Variants in FOXN3 observed in about 807,000 individuals in gnomAD.
FOXN3 encodes the protein forkhead box protein N3.
FOXN3 carries 7 observed loss-of-function variants against 38.4 expected under a neutral mutation model. The ratio of observed to expected loss-of-function variants is 0.18; its 90% CI spans 0.10 to 0.34. The LOEUF (loss-of-function observed/expected upper bound fraction) is 0.34, where lower values mean the gene tolerates loss of function less well. Among genes scored for constraint, FOXN3 ranks in the 10% least tolerant of loss-of-function variants. The probability of loss-of-function intolerance (pLI) is 1.00; values close to 1 mark genes in which losing one functional copy is unlikely to be tolerated. For missense variants in FOXN3, 456 were observed against 613.4 expected (o/e 0.74, Z 2.71); for synonymous variants, 230 against 242.2 (o/e 0.95, Z 0.47).
chr14:89,381,824 T>C lies in FOXN3; in HGVS notation c.543+30110A>G, dbSNP rs186420647. 1.8e-3 allele frequency among the ~76,000 whole-genome samples: 260 copies of C among 145,294 alleles called. 2 individuals carry two copies. Among genetic ancestry groups the C allele is most frequent in the Middle Eastern group, 6.9e-3 (2 of 290 alleles). On this transcript the variant is annotated intron_variant, in intron 2 of 5. Coordinates refer to ENST00000557258, the MANE Select transcript of FOXN3 (RefSeq NM_005197.4). Reference sequence around the variant, plus strand: ...GCACTGAGCTGTGATCATGCCACTATACTCCAGCCTGGGCAACAGAGAAGG... The same window carrying C: ...GCACTGAGCTGTGATCATGCCACTACACTCCAGCCTGGGCAACAGAGAAGG...
intron 5 of FOXN3, among the ~76,000 whole-genome samples, chr14:89,167,121 C>G (rs538231287): frequency 6.6e-6 from 1 of 152,300 alleles, no homozygotes; most frequent in African/African-American, 2.4e-5. Context: ...GCATGTGGCT[C>G]AACAAAACCA....
chr14:89,374,223 C>T (rs1890402670), intron 2 of FOXN3, among the ~76,000 whole-genome samples: 2 of 120,846 alleles, frequency 1.7e-5, no homozygotes. Flanking sequence ...ATGACTGTGC[C>T]ACTGCACTCC....
chr14:89,483,677 G>A (rs1893389298), intron 1 of FOXN3, among the ~76,000 whole-genome samples: 1 of 152,124 alleles, frequency 6.6e-6, no homozygotes, highest in African/African-American at 2.4e-5. Context: ...CAAAGTGCTG[G>A]GATTACAGGC....
intron 3 of FOXN3, among the ~76,000 whole-genome samples, chr14:89,292,267 G>A (rs759364): frequency 0.24 from 36,778 of 151,822 alleles, 4,500 homozygotes; most frequent in Admixed American, 0.32. Flanking sequence ...TCTTATCTTA[G>A]CCATCGCCAC....
intron 1 of FOXN3, among the ~76,000 whole-genome samples, chr14:89,573,486 A>G (rs1218669313): frequency 1.3e-5 from 2 of 152,202 alleles, no homozygotes; most frequent in African/African-American, 4.8e-5. Flanking sequence ...TACATACTAT[A>G]TTACAAATAT....
intron 4 of FOXN3, among the ~76,000 whole-genome samples, chr14:89,265,343 C>T (rs1885938460): frequency 6.6e-6 from 1 of 152,186 alleles, no homozygotes; most frequent in Non-Finnish European, 1.5e-5. Flanking sequence ...TAGGCTTGGA[C>T]AGGCTCTCCT....
intron 1 of FOXN3, among the ~76,000 whole-genome samples, chr14:89,537,700 G>A (rs1173896334): frequency 1.3e-5 from 2 of 152,176 alleles, no homozygotes; most frequent in Non-Finnish European, 1.5e-5. Context: ...GAAAAGACTG[G>A]TGAATCAATC....
intron 1 of FOXN3, among the ~76,000 whole-genome samples, chr14:89,530,597 T>C (rs928865191): frequency 2.0e-5 from 3 of 152,018 alleles, no homozygotes; most frequent in Non-Finnish European, 4.4e-5. Context: ...CATATGTATA[T>C]ATATTTTATT....
chr14:89,162,447 C>T lies in FOXN3; in HGVS notation c.1374G>A (p.Gly458=). Reference sequence around the variant, plus strand: ...TTGTGGTTTCCTTTTGCTCTTTCTGCCCCTTTGCCGTCCGATTGGTGATGT... The same window carrying T: ...TTGTGGTTTCCTTTTGCTCTTTCTGTCCCTTTGCCGTCCGATTGGTGATGT... ...LNNITNRTAK[G]QKEQKETTKN is the part of the protein sequence containing the mutation. Residue 458 remains glycine (G), a synonymous_variant, in exon 6 of 6, where the codon GGG becomes GGA. Coordinates refer to ENST00000557258, the MANE Select transcript of FOXN3 (RefSeq NM_005197.4). This position sits in a 1 kb window ranked among gnomAD's most constrained non-coding sequence, Gnocchi z 7.2. 6.3e-7 allele frequency: 1 copy of T among 1,586,334 alleles called. No individual in the cohort carries two copies. Among genetic ancestry groups the T allele is most frequent in the Non-Finnish European group, 8.6e-7 (1 of 1,167,060 alleles).
intron 2 of FOXN3, among the ~76,000 whole-genome samples, chr14:89,358,044 C>A (rs981088146): frequency 6.6e-6 from 1 of 151,792 alleles, no homozygotes; most frequent in Non-Finnish European, 1.5e-5. Context: ...TCTTAAACAA[C>A]TTCTCTTTCT....
chr14:89,545,618 A>C (rs1894868178), intron 1 of FOXN3, among the ~76,000 whole-genome samples: 1 of 152,244 alleles, frequency 6.6e-6, no homozygotes, highest in South Asian at 2.1e-4. Flanking sequence ...CTCTGAAACC[A>C]TTATGATGAT....
intron 4 of FOXN3, among the ~76,000 whole-genome samples, chr14:89,244,647 T>C (rs1310161495): frequency 1.3e-5 from 2 of 152,220 alleles, no homozygotes; most frequent in South Asian, 2.1e-4. Context: ...CCTTGTCTTA[T>C]AGCTACAAGA....
chr14:89,253,465 C>A (rs928102332), intron 4 of FOXN3, among the ~76,000 whole-genome samples: 1 of 152,110 alleles, frequency 6.6e-6, no homozygotes, highest in South Asian at 2.1e-4. Context: ...GGAGATCAAA[C>A]GGCTCTTTCC....
rs1325550881 is a variant in FOXN3 at position 89,466,260 on chromosome 14, G to A, written c.-14-53770C>T. 6.6e-5 allele frequency among the ~76,000 whole-genome samples: 10 copies of A among 152,130 alleles called. No individual in the cohort carries two copies. The South Asian group carries it at 1.5e-3, about 22-fold the overall frequency. On this transcript the variant is annotated intron_variant, in intron 1 of 6. Coordinates refer to the FOXN3 transcript ENST00000345097. ...TCGTCTAAGGCATTCAAGTTGATCC[G>A]CTTAAGGCAAACTGAGATGTGAGTA...
At chr14:89,189,035 A>T (rs1333086283) in intron 4 of FOXN3, among the ~76,000 whole-genome samples, 1 of 152,128 alleles carries the variant, frequency 6.6e-6, no homozygotes, top group Non-Finnish European at 1.5e-5. Context: ...GAAAGAGAGA[A>T]TCAGAACTCT....
At chr14:89,281,852 G>C (rs962898961) in intron 3 of FOXN3, among the ~76,000 whole-genome samples, 1 of 152,186 alleles carries the variant, frequency 6.6e-6, no homozygotes, top group African/African-American at 2.4e-5. Context: ...CCAAGAGGCA[G>C]TATAAATTAC....
intron 2 of FOXN3, among the ~76,000 whole-genome samples, chr14:89,396,824 C>T (rs1891111242): frequency 7.8e-6 from 1 of 127,642 alleles, no homozygotes; most frequent in African/African-American, 3.0e-5. Context: ...AGGAGTGAAA[C>T]TCCATCTCAA....
At chr14:89,597,780 G>A (rs1333235274) in intron 1 of FOXN3, among the ~76,000 whole-genome samples, 1 of 152,062 alleles carries the variant, frequency 6.6e-6, no homozygotes, top group African/African-American at 2.4e-5. Context: ...GGTATATCTT[G>A]CTACATTCTT....
chr14:89,160,679 G>A lies in FOXN3; in HGVS notation c.*1735C>T, dbSNP rs948733000. 2.0e-5 allele frequency: 3 copies of A among 152,616 alleles called. No individual in the cohort carries two copies. Among genetic ancestry groups the A allele is most frequent in the Admixed American group, 1.3e-4 (2 of 15,274 alleles). 9.5% of individuals were successfully genotyped at this position (152,616 alleles called of 1,614,324 possible). ...CATGTTAAACATGTACAGACAGAGA[G>A]AAAGGACACACTTTTCAACAGAGAA... On this transcript the variant is annotated 3_prime_UTR_variant, in exon 6 of 6. Coordinates refer to ENST00000557258, the MANE Select transcript of FOXN3 (RefSeq NM_005197.4).
Sources: allele counts gnomAD v4.1 joint callset (sites outside exome capture counted in the v4.1 genomes callset), GRCh38; gene constraint gnomAD v4.1.1; non-coding constraint Gnocchi (gnomAD v3.1); transcripts MANE v1.5; gene names NCBI Gene and HGNC (gene_info 2026-07-23, HGNC 2026-07-21).